PCM1: variants seen among roughly 807,000 people sequenced by gnomAD.
The protein encoded by PCM1 is pericentriolar material 1, also known as pericentriolar material 1 protein.
A neutral mutation model predicts 241.9 loss-of-function variants in PCM1; 157 were observed. That is an observed-to-expected ratio of 0.65 (90% CI 0.57 to 0.74). PCM1 has a LOEUF of 0.74. Among genes scored for constraint, PCM1 ranks in the 30% least tolerant of loss-of-function variants. The pLI, the probability that PCM1 is intolerant of heterozygous loss-of-function variation, is 0.00. For synonymous variants in PCM1, 1,085 were observed against 784.9 expected (o/e 1.38, Z -6.39); for missense variants, 3,478 against 2,360.1 (o/e 1.47, Z -9.81).
chr8:17,935,630 C>T lies in PCM1; in HGVS notation c.20C>T (p.Pro7Leu). 1 of 1,537,852 alleles carries T rather than the reference C, an allele frequency of 6.5e-7. No individual in the cohort carries two copies. The highest frequency in any genetic ancestry group is 9.0e-7 in the Non-Finnish European group (1 of 1,111,184). ...TCCAGTATGGCCACAGGAGGAGGTC[C>T]CTTTGAAGATGGCATGAATGATCAG... Reference protein sequence around the residue: MATGGGPFEDGMNDQDL... With the variant: MATGGGLFEDGMNDQDL... Residue 7 changes from proline to leucine, a missense_variant, in exon 3 of 39, where the codon CCC becomes CTC. Physicochemically the swap from Pro to Leu is moderately conservative, Grantham distance 98. Transcript: ENST00000325083.
intron 24 of PCM1, among the ~76,000 whole-genome samples, chr8:17,983,964 A>T (rs1275765905): frequency 6.6e-6 from 1 of 152,128 alleles, no homozygotes; most frequent in Non-Finnish European, 1.5e-5. Flanking sequence ...AACTCTGAAA[A>T]TAGGATATAA....
chr8:17,965,755 C>T (rs2074618499), intron 18 of PCM1, among the ~76,000 whole-genome samples: 1 of 152,184 alleles, frequency 6.6e-6, no homozygotes, highest in Admixed American at 6.5e-5. Context: ...TTGCAGAATA[C>T]TTAATTATAT....
intron 7 of PCM1, among the ~76,000 whole-genome samples, chr8:17,949,107 T>C (rs1271634551): frequency 6.6e-6 from 1 of 152,160 alleles, no homozygotes; most frequent in East Asian, 1.9e-4. Flanking sequence ...CTATTATGAG[T>C]CAGAGAATAG....
rs444181 is a variant in PCM1, at chr8:18,029,696, T to C, written c.*2034T>C. 0.07 allele frequency: 13,762 copies of C among 197,576 alleles called. 760 individuals are homozygous for C. The highest frequency in any genetic ancestry group is 0.16 in the African/African-American group (6,734 of 43,438). The allele number at this position is 197,576 out of a possible 1,614,324, so 12.2% of individuals were successfully genotyped here. A position where few individuals can be genotyped will look rare whatever the true frequency, so the allele number is the denominator to read the frequency against. On this transcript the variant is annotated 3_prime_UTR_variant, in exon 39 of 39. Transcript: ENST00000325083. ...AGAGCAGATATATTTATTTAATCTG[T>C]TTTCTCTAGTAACTATTGCTGAAGG...
At chr8:17,968,730 A>ATGTGTGTGTGTGTGTGTGTGTGTG (rs551909289) in intron 21 of PCM1, among the ~76,000 whole-genome samples, 3 of 134,668 alleles carry the variant, frequency 2.2e-5, no homozygotes, top group African/African-American at 8.8e-5. Flanking sequence ...GGATGTATAT[A>ATGTGTGTGTGTGTGTGTGTGTGTG]TGTGTGTGTG....
At chr8:17,993,450 G>T (rs1445439277) in intron 28 of PCM1, 33 bp from the exon 29 acceptor site, 10 of 1,482,688 alleles carry the variant, frequency 6.7e-6, no homozygotes, top group Non-Finnish European at 9.1e-6. Flanking sequence ...AATAGGCTTT[G>T]TTAGGCTAAT....
At chr8:17,942,000 GTTTT>G (rs376142276) in intron 6 of PCM1, among the ~76,000 whole-genome samples, 4,338 of 151,272 alleles carry the variant, frequency 0.029, 95 homozygotes, top group East Asian at 0.083. Flanking sequence ...GTCCCTTACT[GTTTT>G]TTTTCTACTT....
chr8:17,939,576 C>A, intron 5 of PCM1, 115 bp from the exon 6 acceptor site: 1 of 516,566 alleles, frequency 1.9e-6, no homozygotes, highest in South Asian at 4.7e-5. Context: ...ATCCAAGTGT[C>A]TTTGGTTATC....
rs148211081 is a variant in PCM1 at position 18,028,538 on chromosome 8, C to G, written c.*876C>G. On this transcript the variant is annotated 3_prime_UTR_variant, in exon 39 of 39. Transcript: ENST00000325083. ...TTCTGTATGCCTTCAGATAAACTTG[C>G]CTATTGAGATGGTAATTTAAAGCCA... The G allele has an allele frequency of 4.9e-6, 1 of 202,944 alleles. No homozygotes were observed. Among genetic ancestry groups the G allele is most frequent in the African/African-American group, 2.3e-5 (1 of 43,672 alleles). 12.6% of individuals were successfully genotyped at this position (202,944 alleles called of 1,614,324 possible). A position where few individuals can be genotyped will look rare whatever the true frequency, so the allele number is the denominator to read the frequency against.
At chr8:17,985,168 A>G (rs2082194413) in intron 24 of PCM1, among the ~76,000 whole-genome samples, 3 of 151,948 alleles carry the variant, frequency 2.0e-5, no homozygotes, top group Middle Eastern at 3.4e-3. Context: ...TATTTTCTGT[A>G]TATTTTATAT....
At chr8:17,971,171 T>G (rs900497459) in intron 22 of PCM1, among the ~76,000 whole-genome samples, 1 of 152,190 alleles carries the variant, frequency 6.6e-6, no homozygotes, top group Non-Finnish European at 1.5e-5. Flanking sequence ...CTTCCAACTA[T>G]TTAAGAATAT....
intron 7 of PCM1, among the ~76,000 whole-genome samples, chr8:17,948,130 C>A (rs556712162): frequency 3.9e-5 from 6 of 151,948 alleles, no homozygotes; most frequent in Non-Finnish European, 5.9e-5. Context: ...CTTCTTTGAG[C>A]GCTTTGTTTT....
chr8:18,022,600 G>A (rs2093844546), intron 36 of PCM1, among the ~76,000 whole-genome samples: 1 of 152,188 alleles, frequency 6.6e-6, no homozygotes, highest in Non-Finnish European at 1.5e-5. Context: ...AGAAGCAAAG[G>A]TATGTCCTGT....
At chr8:17,974,558 G>C (rs1277477433) in intron 23 of PCM1, among the ~76,000 whole-genome samples, 1 of 152,116 alleles carries the variant, frequency 6.6e-6, no homozygotes, top group African/African-American at 2.4e-5. Context: ...GCCAGTATTG[G>C]TCTGTGGACT....
At chr8:18,011,597 G>T in intron 33 of PCM1, 70 bp from the exon 34 acceptor site, 1 of 1,361,802 alleles carries the variant, frequency 7.3e-7, no homozygotes, top group Non-Finnish European at 1.0e-6. Context: ...ATGCAGGAAT[G>T]CAGTAAGTGG....
chr8:17,989,746 T>C (rs191612035), intron 26 of PCM1, 113 bp from the exon 27 acceptor site: 587 of 740,360 alleles, frequency 7.9e-4, no homozygotes, highest in Middle Eastern at 2.0e-3. Flanking sequence ...AGGAAACTTA[T>C]GAATATCTTT....
chr8:18,026,990 C>T (rs1223669388), intron 38 of PCM1, among the ~76,000 whole-genome samples: 1 of 152,090 alleles, frequency 6.6e-6, no homozygotes, highest in African/African-American at 2.4e-5. Context: ...CTCAGATTTT[C>T]TGTATGAGTC....
At chr8:17,961,620 G>T (rs919101824) in intron 15 of PCM1, among the ~76,000 whole-genome samples, 19 of 152,038 alleles carry the variant, frequency 1.2e-4, no homozygotes, top group Admixed American at 9.2e-4. Flanking sequence ...CTATTGGCTA[G>T]CTTTATCTTC....
intron 1 of PCM1, among the ~76,000 whole-genome samples, chr8:17,924,219 T>A (rs561009867): frequency 5.3e-5 from 8 of 152,262 alleles, no homozygotes; most frequent in African/African-American, 1.7e-4. Context: ...ACCTTCCTGG[T>A]GAGGACCCCT....
Sources: allele counts gnomAD v4.1 joint callset (sites outside exome capture counted in the v4.1 genomes callset), GRCh38; gene constraint gnomAD v4.1.1; transcripts MANE v1.5; gene names NCBI Gene and HGNC (gene_info 2026-07-23, HGNC 2026-07-21).